Variants in RGS6 observed in about 807,000 individuals in gnomAD.
RGS6 encodes the protein regulator of G protein signaling 6, also known as regulator of G-protein signaling 6.
RGS6 carries 30 observed loss-of-function variants against 78.5 expected under a neutral mutation model. The ratio of observed to expected loss-of-function variants is 0.38; its 90% CI spans 0.29 to 0.52. The LOEUF is 0.52. RGS6 is among the 20% of genes least tolerant of loss of function. The pLI, the probability that RGS6 is intolerant of heterozygous loss-of-function variation, is 0.85. For missense variants in RGS6, 495 were observed against 609.7 expected (o/e 0.81, Z 1.98); for synonymous variants, 206 against 206.0 (o/e 1.00, Z 0.00).
At chr14:72,414,600 G>T (rs762577823) in intron 3 of RGS6, among the ~76,000 whole-genome samples, 15 of 152,180 alleles carry the variant, frequency 9.9e-5, no homozygotes, top group African/African-American at 1.4e-4. Context: ...TTCCGTTGCT[G>T]GTGAGGAGCT....
At chr14:72,004,123 G>A (rs1175918222) in intron 2 of RGS6, among the ~76,000 whole-genome samples, 1 of 152,158 alleles carries the variant, frequency 6.6e-6, no homozygotes, top group Non-Finnish European at 1.5e-5. Flanking sequence ...ACACAGATTG[G>A]GAATGGCTGC....
chr14:72,341,015 G>A (rs745590376), intron 2 of RGS6, among the ~76,000 whole-genome samples: 2 of 152,106 alleles, frequency 1.3e-5, no homozygotes, highest in African/African-American at 2.4e-5. Flanking sequence ...TTCTTGCCTC[G>A]CAGCCTTGGA....
chr14:72,133,184 T>G (rs1567276080), intron 2 of RGS6, among the ~76,000 whole-genome samples: 1 of 152,224 alleles, frequency 6.6e-6, no homozygotes, highest in East Asian at 1.9e-4. Flanking sequence ...GTACACTGGC[T>G]GTCTTTCTCT....
At chr14:72,481,496 C>T (rs1014003777) in intron 12 of RGS6, among the ~76,000 whole-genome samples, 3 of 152,202 alleles carry the variant, frequency 2.0e-5, no homozygotes, top group Non-Finnish European at 4.4e-5. Flanking sequence ...TCTCCTTCCA[C>T]TGCCTCACAC....
chr14:71,944,548 G>C (rs986400271), intron 1 of RGS6, among the ~76,000 whole-genome samples: 1 of 152,114 alleles, frequency 6.6e-6, no homozygotes, highest in Non-Finnish European at 1.5e-5. Context: ...TGATAGTTTA[G>C]GAAAAAATGC....
At chr14:72,012,966 G>A (rs924198127) in intron 2 of RGS6, among the ~76,000 whole-genome samples, 4 of 152,084 alleles carry the variant, frequency 2.6e-5, no homozygotes, top group Non-Finnish European at 5.9e-5. Context: ...ATCATCTAAT[G>A]GCTCCTATAA....
intron 3 of RGS6, among the ~76,000 whole-genome samples, chr14:72,360,885 G>C (rs2081314846): frequency 6.6e-6 from 1 of 152,122 alleles, no homozygotes; most frequent in Non-Finnish European, 1.5e-5. Context: ...GATCGTGGGG[G>C]TGGTTTCCTC....
chr14:72,176,723 T>C (rs1350700614), intron 2 of RGS6, among the ~76,000 whole-genome samples: 1 of 152,186 alleles, frequency 6.6e-6, no homozygotes, highest in Non-Finnish European at 1.5e-5. Context: ...TATTTTAAAC[T>C]AGGGAAGATT....
At chr14:72,351,610 C>G (rs890393232) in intron 2 of RGS6, among the ~76,000 whole-genome samples, 1 of 152,152 alleles carries the variant, frequency 6.6e-6, no homozygotes, top group Admixed American at 6.5e-5. Flanking sequence ...GTATCCTTCT[C>G]TAGTCCCAAA....
chr14:72,562,936 C>G lies in RGS6; in HGVS notation c.*469C>G, dbSNP rs10138069. The G allele has an allele frequency of 2.0e-3, 1,277 of 648,220 alleles. 11 individuals carry two copies. Among genetic ancestry groups the G allele is most frequent in the African/African-American group, 0.019 (1,065 of 55,832 alleles). The allele number at this position is 648,220 out of a possible 1,614,324, so 40.2% of individuals were successfully genotyped here. A position where few individuals can be genotyped will look rare whatever the true frequency, so the allele number is the denominator to read the frequency against. On this transcript the variant is annotated 3_prime_UTR_variant, in exon 18 of 18. Coordinates refer to ENST00000553525, the MANE Select transcript of RGS6 (RefSeq NM_001204424.2). ...ACCTCCCTGGCACCTCCCATAGTTA[C>G]AGCCACTACATCCCCACCGCCGCCT...
At chr14:72,285,764 G>A (rs1482345155) in intron 2 of RGS6, among the ~76,000 whole-genome samples, 1 of 152,106 alleles carries the variant, frequency 6.6e-6, no homozygotes, top group Non-Finnish European at 1.5e-5. Context: ...CTCATGATTG[G>A]CAATGTTGAC....
the RGS6 span, among the ~76,000 whole-genome samples, chr14:72,622,556 G>A: frequency 6.6e-6 from 1 of 151,926 alleles, no homozygotes; most frequent in Non-Finnish European, 1.5e-5. Context: ...ATACAAATAG[G>A]TAGAATATCC....
upstream of RGS6, among the ~76,000 whole-genome samples, chr14:71,927,681 G>A (rs1261991113): frequency 6.7e-6 from 1 of 149,194 alleles, no homozygotes; most frequent in African/African-American, 2.5e-5. Context: ...TTTTTGAGAC[G>A]GAGTTTCGCT....
At chr14:72,557,657 G>A (rs558914348) in intron 17 of RGS6, among the ~76,000 whole-genome samples, 9 of 152,270 alleles carry the variant, frequency 5.9e-5, no homozygotes, top group Middle Eastern at 6.8e-3. Flanking sequence ...TTGAGAGCAC[G>A]ACTCATCTCT....
chr14:72,330,168 G>T (rs2074683593), intron 2 of RGS6, among the ~76,000 whole-genome samples: 1 of 152,214 alleles, frequency 6.6e-6, no homozygotes, highest in Non-Finnish European at 1.5e-5. Context: ...ATGATGGTTT[G>T]AAACCTTCCG....
the RGS6 span, chr14:72,612,458 G>C: frequency 3.9e-6 from 2 of 517,486 alleles, no homozygotes; most frequent in South Asian, 2.8e-5. Flanking sequence ...CCTAATTTAG[G>C]CTTCTTCAAC....
chr14:72,629,371 A>G, the RGS6 span, among the ~76,000 whole-genome samples: 3 of 152,234 alleles, frequency 2.0e-5, no homozygotes, highest in Admixed American at 6.5e-5. Flanking sequence ...TGCACTTATT[A>G]TATTTAACAT....
At chr14:72,035,767 T>C (rs529185115) in intron 2 of RGS6, among the ~76,000 whole-genome samples, 10 of 152,290 alleles carry the variant, frequency 6.6e-5, no homozygotes, top group African/African-American at 2.2e-4. Context: ...TTTTGGGAAC[T>C]TCAGTATTTA....
At chr14:72,273,089 G>A (rs912865780) in intron 2 of RGS6, among the ~76,000 whole-genome samples, 3 of 149,424 alleles carry the variant, frequency 2.0e-5, no homozygotes, top group Non-Finnish European at 2.9e-5. Context: ...CTGAGGCCGT[G>A]CCATTGCACT....
Sources: allele counts gnomAD v4.1 joint callset (sites outside exome capture counted in the v4.1 genomes callset), GRCh38; gene constraint gnomAD v4.1.1; transcripts MANE v1.5; gene names NCBI Gene and HGNC (gene_info 2026-07-23, HGNC 2026-07-21).